BPNT1: variants seen among roughly 807,000 people sequenced by gnomAD.
BPNT1 encodes the protein 3'(2'), 5'-bisphosphate nucleotidase 1.
Under a neutral mutation model 36.9 loss-of-function variants are expected in BPNT1, and 28 were observed. The observed-to-expected ratio is 0.76, with a 90% CI of 0.56 to 1.04. BPNT1 has a LOEUF of 1.04. Among genes scored for constraint, BPNT1 ranks in the 50% least tolerant of loss-of-function variants. The probability of loss-of-function intolerance (pLI) is 0.00; values close to 1 mark genes in which losing one functional copy is unlikely to be tolerated. For synonymous variants in BPNT1, 119 were observed against 130.9 expected (o/e 0.91, Z 0.62); for missense variants, 313 against 372.9 (o/e 0.84, Z 1.32).
chr1:220,070,547 G>A (rs766634063), intron 4 of BPNT1, among the ~76,000 whole-genome samples: 76 of 151,554 alleles, frequency 5.0e-4, no homozygotes, highest in Non-Finnish European at 9.1e-4. Flanking sequence ...GGGTTTCACC[G>A]TGTTAGCGGA....
At chr1:220,060,624 C>A (rs1662938051) in intron 7 of BPNT1, among the ~76,000 whole-genome samples, 1 of 152,154 alleles carries the variant, frequency 6.6e-6, no homozygotes, top group African/African-American at 2.4e-5. Context: ...TTTCATAAGT[C>A]TTGGGATCAC....
At chr1:220,074,094 T>C in intron 2 of BPNT1, 23 bp from the exon 3 acceptor site, 1 of 1,600,434 alleles carries the variant, frequency 6.2e-7, no homozygotes, top group South Asian at 1.1e-5. Context: ...ATGCAAATTT[T>C]AGCAGAGCTA....
chr1:220,085,498 C>T (rs1219567097), intron 1 of BPNT1, among the ~76,000 whole-genome samples: 1 of 152,158 alleles, frequency 6.6e-6, no homozygotes, highest in Non-Finnish European at 1.5e-5. Flanking sequence ...TAGTATAGGG[C>T]TGCTGTAATT....
chr1:220,059,243 C>CTTT (rs11292010), intron 8 of BPNT1, among the ~76,000 whole-genome samples: 190 of 57,752 alleles, frequency 3.3e-3, no homozygotes, highest in Middle Eastern at 0.038. Flanking sequence ...ATTTTCTTTT[C>CTTT]TTTTTTTTTT....
rs752262821 is a variant in BPNT1 at position 220,073,948 on chromosome 1, T to A, written c.225+19A>T. 22 of 1,601,186 alleles carry A rather than the reference T, an allele frequency of 1.4e-5. 1 individual carries two copies. The South Asian group carries it at 2.2e-4, about 16-fold the overall frequency. ...TTGGTAAACAGAGATTTTAAAAAAA[T>A]GTCTCTGATGACGCTTACCTCTTCC... On this transcript the variant is annotated intron_variant, in intron 3 of 8. Coordinates refer to ENST00000322067, the MANE Select transcript of BPNT1 (RefSeq NM_006085.6).
At position 220,072,916 on chromosome 1, in the gene BPNT1, G is replaced by A; in HGVS notation, c.267C>T (p.Asp89=). 6.2e-7 allele frequency: 1 copy of A among 1,614,100 alleles called. No homozygotes were observed. Among genetic ancestry groups the A allele is most frequent in the Non-Finnish European group, 8.5e-7 (1 of 1,180,000 alleles). ...SEEVDQELIE[D]SQWEEILKQP... is the part of the protein sequence containing the mutation. ...GCTTCAGTATTTCTTCCCACTGACT[G>A]TCTTCAATCAGCTCTTGATCCACTT... Residue 89 remains aspartate (D), a synonymous_variant, in exon 4 of 9, where the codon GAC becomes GAT. Transcript: ENST00000322067.
intron 4 of BPNT1, among the ~76,000 whole-genome samples, chr1:220,069,789 A>C (rs1611863): frequency 0.04 from 6,053 of 152,150 alleles, 391 homozygotes; most frequent in African/African-American, 0.14. Flanking sequence ...TACAAAAATT[A>C]GCCGGGCGTG....
At chr1:220,059,478 A>C (rs1337245859) in intron 8 of BPNT1, among the ~76,000 whole-genome samples, 1 of 151,920 alleles carries the variant, frequency 6.6e-6, no homozygotes, top group Admixed American at 6.6e-5. Flanking sequence ...AAAGTTCAAA[A>C]AAAGAGACGA....
At chr1:220,080,289 C>T (rs752504464) in intron 1 of BPNT1, among the ~76,000 whole-genome samples, 1 of 151,996 alleles carries the variant, frequency 6.6e-6, no homozygotes, top group African/African-American at 2.4e-5. Context: ...AACTAGGCAG[C>T]GCCAAAAGAG....
Position 220,062,931 on chromosome 1 carries a change from C to T in BPNT1, c.498G>A (p.Gly166=). The change falls in exon 7 of 9, where the codon GGG becomes GGA. Residue 166 remains glycine, a synonymous_variant. Transcript: ENST00000322067. ...AACCTAAAACTCCCCAGATTGTCCT[C>T]CCCAACACAGCATCTGGTCCTGCCT... is the stretch of plus-strand genomic sequence containing the variant. ...NYEAGPDAVL[G]RTIWGVLGLG... The T allele has an allele frequency of 1.2e-6, 2 of 1,614,146 alleles. No individual in the cohort carries two copies. The highest frequency in any genetic ancestry group is 2.2e-5 in the East Asian group (1 of 44,878).
At chr1:220,075,324 G>A (rs1179148679) in intron 2 of BPNT1, among the ~76,000 whole-genome samples, 3 of 152,194 alleles carry the variant, frequency 2.0e-5, no homozygotes, top group Non-Finnish European at 2.9e-5. Context: ...TTACAGGTGT[G>A]AGCCAGTGCA....
At chr1:220,078,691 A>T (rs1287948464) in intron 2 of BPNT1, among the ~76,000 whole-genome samples, 1 of 151,132 alleles carries the variant, frequency 6.6e-6, no homozygotes, top group East Asian at 1.9e-4. Flanking sequence ...TCGCTCTCCC[A>T]GATTCAAGTA....
chr1:220,085,667 AG>A (rs1655650243), intron 1 of BPNT1, among the ~76,000 whole-genome samples: 1 of 152,254 alleles, frequency 6.6e-6, no homozygotes, highest in African/African-American at 2.4e-5. Flanking sequence ...TTTCTCCAAC[AG>A]TATTCTGACC....
At chr1:220,069,176 G>T (rs918795341) in intron 5 of BPNT1, among the ~76,000 whole-genome samples, 4 of 152,154 alleles carry the variant, frequency 2.6e-5, no homozygotes, top group Admixed American at 6.5e-5. Flanking sequence ...TGGAGTATGT[G>T]GGGGGTGGTA....
intron 6 of BPNT1, among the ~76,000 whole-genome samples, chr1:220,063,978 T>G (rs1461380730): frequency 6.6e-6 from 1 of 152,208 alleles, no homozygotes; most frequent in Non-Finnish European, 1.5e-5. Context: ...ACAATTATAT[T>G]AATATAGTAG....
At chr1:220,073,877 C>A in intron 3 of BPNT1, 90 bp downstream of exon 3, 1 of 1,090,640 alleles carries the variant, frequency 9.2e-7, no homozygotes, top group Non-Finnish European at 1.4e-6. Flanking sequence ...TGCTTAAAAT[C>A]ATAATAGTGG....
Position 220,058,919 on chromosome 1 carries a change from G to A in BPNT1, c.852C>T (p.Val284=), listed in dbSNP as rs1214715645. ...KDVKHMNSAG[V]LATLRNYDYY... ...AGTCATAATTCCTCAGTGTGGCCAG[G>A]ACTCCTGCAGAGTTCATATGCTTCA... Residue 284 remains valine, a synonymous_variant, in exon 9 of 9, where the codon GTC becomes GTT. Transcript: ENST00000322067. The A allele has an allele frequency of 6.2e-7, 1 of 1,613,738 alleles. No homozygotes were observed. The highest frequency in any genetic ancestry group is 1.3e-5 in the African/African-American group (1 of 74,894).
chr1:220,064,548 C>G (rs1476545088), intron 6 of BPNT1, among the ~76,000 whole-genome samples: 2 of 152,096 alleles, frequency 1.3e-5, no homozygotes, highest in Admixed American at 6.6e-5. Flanking sequence ...AGGGTAGTCC[C>G]AAATTGGGAT....
At chr1:220,080,293 A>G (rs80044439) in intron 1 of BPNT1, among the ~76,000 whole-genome samples, 10,767 of 152,288 alleles carry the variant, frequency 0.071, 510 homozygotes, top group South Asian at 0.14. Context: ...AGGCAGCGCC[A>G]AAAGAGGTAT....
Sources: allele counts gnomAD v4.1 joint callset (sites outside exome capture counted in the v4.1 genomes callset), GRCh38; gene constraint gnomAD v4.1.1; transcripts MANE v1.5; gene names NCBI Gene and HGNC (gene_info 2026-07-23, HGNC 2026-07-21).